The following APAF1 variants were observed in gnomAD, a reference collection of about 807,000 sequenced individuals.
The protein encoded by APAF1 is apoptotic protease-activating factor 1.
Under a neutral mutation model 152.4 loss-of-function variants are expected in APAF1, and 91 were observed. The observed-to-expected ratio is 0.60, with a 90% CI of 0.50 to 0.71. APAF1 has a LOEUF of 0.71. Among genes scored for constraint, APAF1 ranks in the 30% least tolerant of loss-of-function variants. The pLI is 0.00. For missense variants in APAF1, 1,283 were observed against 1,472.0 expected (o/e 0.87, Z 2.10); for synonymous variants, 484 against 494.1 (o/e 0.98, Z 0.27).
intron 1 of APAF1, among the ~76,000 whole-genome samples, chr12:98,647,837 T>A (rs926730460): frequency 1.3e-5 from 2 of 152,000 alleles, no homozygotes; most frequent in East Asian, 3.9e-4. Context: ...TTTTAAAATC[T>A]ATATTCAGAA....
chr12:98,691,918 A>T (rs1021673700), intron 16 of APAF1, among the ~76,000 whole-genome samples: 1 of 152,004 alleles, frequency 6.6e-6, no homozygotes, highest in South Asian at 2.1e-4. Flanking sequence ...GCTTCAACTC[A>T]TCTTTTTTCA....
intron 12 of APAF1, among the ~76,000 whole-genome samples, chr12:98,672,776 C>T (rs185695524): frequency 1.4e-3 from 219 of 151,324 alleles, no homozygotes; most frequent in African/African-American, 4.8e-3. Context: ...TTTTTTGAGA[C>T]GGCGTTTCAC....
rs771655993 is a variant in APAF1, at chr12:98,715,427, A to G, written c.2959A>G (p.Ile987Val). The change falls in exon 22 of 27, where the codon ATT (isoleucine) becomes GTT (valine). Residue 987 changes from isoleucine (I) to valine (V), a missense_variant and splice_region_variant. Coordinates refer to ENST00000551964, the MANE Select transcript of APAF1 (RefSeq NM_181861.2). ...AFGDENGAIEILELVNNRIFQ... is the reference protein window; with the variant it reads ...AFGDENGAIEVLELVNNRIFQ... ...TTTTCTGTGTTTTTCTGCTTTGAAG[A>G]TTTTAGAACTTGTAAACAATAGAAT... 5.6e-6 allele frequency: 9 copies of G among 1,612,958 alleles called. No homozygotes were observed. The Admixed American group carries it at 6.7e-5, about 12-fold the overall frequency.
Position 98,677,562 on chromosome 12 carries a change from T to A in APAF1, c.1920+11T>A, listed in dbSNP as rs1402585822. ...GATAAAACCTTACAGGTAAAACACA[T>A]CTCTTGAGAAAAATGCAAAGAGGCA... On this transcript the variant is annotated intron_variant, in intron 13 of 26. Coordinates refer to ENST00000551964, the MANE Select transcript of APAF1 (RefSeq NM_181861.2). 1.2e-6 allele frequency: 2 copies of A among 1,614,080 alleles called. No individual in the cohort carries two copies. The highest frequency in any genetic ancestry group is 3.3e-5 in the Admixed American group (2 of 60,010).
At chr12:98,671,795 C>A in intron 12 of APAF1, 76 bp downstream of exon 12, 1 of 1,402,986 alleles carries the variant, frequency 7.1e-7, no homozygotes, top group Non-Finnish European at 1.0e-6. Flanking sequence ...TGAATACGAT[C>A]ACTCCAGGAG....
chr12:98,667,533 C>G lies in APAF1; in HGVS notation c.1383C>G (p.Ile461Met). 1.9e-6 allele frequency: 3 copies of G among 1,613,940 alleles called. No homozygotes were observed. The highest frequency in any genetic ancestry group is 2.5e-6 in the Non-Finnish European group (3 of 1,179,966). Residue 461 changes from isoleucine (I) to methionine (M), a missense_variant, in exon 10 of 27, where the codon ATC becomes ATG. Ile to Met is a conservative substitution (Grantham distance 10). Transcript: ENST00000551964. ...SQLQDLHKKI[I>M]TQFQRYHQPH... ...TGCAGGATCTACATAAGAAGATAAT[C>G]ACTCAGTTTCAGAGATATCACCAGC...
chr12:98,667,412 G>T lies in APAF1; in HGVS notation c.1363-101G>T, dbSNP rs1028315702. On this transcript the variant is annotated intron_variant, in intron 9 of 26. Coordinates refer to ENST00000551964, the MANE Select transcript of APAF1 (RefSeq NM_181861.2). ...ATTACAGGCGTGAGCCACCGAGCCC[G>T]GCCTCTCTGTACATTCTTAATAGCT... 3 of 1,458,214 alleles carry T rather than the reference G, an allele frequency of 2.1e-6. No homozygotes were observed. In the East Asian group the frequency reaches 6.9e-5, roughly 33 times the overall value. The allele number at this position is 1,458,214 out of a possible 1,614,324, so 90.3% of individuals were successfully genotyped here. A position where few individuals can be genotyped will look rare whatever the true frequency, so the allele number is the denominator to read the frequency against.
chr12:98,704,201 G>A (rs2097718839), intron 18 of APAF1, among the ~76,000 whole-genome samples: 1 of 151,960 alleles, frequency 6.6e-6, no homozygotes, highest in African/African-American at 2.4e-5. Context: ...TTGGCCTCAA[G>A]CAATACTCCC....
intron 18 of APAF1, 25 bp from the exon 19 acceptor site, chr12:98,706,460 C>G: frequency 6.2e-7 from 1 of 1,613,578 alleles, no homozygotes; most frequent in Non-Finnish European, 8.5e-7. Context: ...TATGTGATTT[C>G]CTATATGCTG....
At chr12:98,723,165 A>G in intron 22 of APAF1, 28 bp from the exon 23 acceptor site, 2 of 1,610,462 alleles carry the variant, frequency 1.2e-6, no homozygotes, top group Non-Finnish European at 8.5e-7. Context: ...GGGGAGGATT[A>G]TAACAGACTT....
At position 98,715,234 on chromosome 12, in the gene APAF1, GCA is replaced by G. The variant is rs1491168446; in HGVS notation, c.2959-192_2959-191del. ...GTTTGCATGTAGGCATACATGGTGTGCATATATATATATATATATATATATAT... is the reference window on the plus strand; with the variant it reads ...GTTTGCATGTAGGCATACATGGTGTGTATATATATATATATATATATATAT... On this transcript the variant is annotated intron_variant, in intron 21 of 26. Coordinates refer to ENST00000551964, the MANE Select transcript of APAF1 (RefSeq NM_181861.2). 2.1e-3 allele frequency among the ~76,000 whole-genome samples: 121 copies of G among 58,338 alleles called. 2 individuals are homozygous for G. Among genetic ancestry groups the G allele is most frequent in the African/African-American group, 4.0e-3 (50 of 12,494 alleles). The allele number at this position is 58,338 out of a possible 152,430, so 38.3% of individuals were successfully genotyped here.
At chr12:98,684,222 G>A (rs192545881) in intron 15 of APAF1, among the ~76,000 whole-genome samples, 36 of 151,986 alleles carry the variant, frequency 2.4e-4, no homozygotes, top group Admixed American at 2.0e-4. Flanking sequence ...GAAAATTGCC[G>A]TCTCCATCCC....
rs2097653076 is a variant in APAF1 at position 98,653,906 on chromosome 12, T to C, written c.526+4222T>C. Among the ~76,000 whole-genome samples the C allele has an allele frequency of 2.0e-5, 3 of 151,816 alleles. No individual in the cohort carries two copies. In the South Asian group the frequency reaches 6.2e-4, roughly 32 times the overall value. On this transcript the variant is annotated intron_variant, in intron 4 of 26. Coordinates refer to ENST00000551964, the MANE Select transcript of APAF1 (RefSeq NM_181861.2). Reference sequence around the variant, plus strand: ...TTTTTAATCATGGATGCTTTCTTCATAGGCTGTGTTCCTATTTGTTTCTGT... The same window carrying C: ...TTTTTAATCATGGATGCTTTCTTCACAGGCTGTGTTCCTATTTGTTTCTGT...
At chr12:98,672,794 G>A (rs907282096) in intron 12 of APAF1, among the ~76,000 whole-genome samples, 2 of 150,740 alleles carry the variant, frequency 1.3e-5, no homozygotes, top group African/African-American at 2.4e-5. Flanking sequence ...CACTCTTGTC[G>A]CCCAGGCTGG....
chr12:98,687,092 CG>C (rs1300509133), intron 16 of APAF1, among the ~76,000 whole-genome samples: 3 of 152,032 alleles, frequency 2.0e-5, no homozygotes, highest in Non-Finnish European at 4.4e-5. Flanking sequence ...AGGCTGGGTG[CG>C]GTGGCTCACG....
At position 98,703,382 on chromosome 12, in the gene APAF1, T is replaced by G; in HGVS notation, c.2478T>G (p.Ile826Met). ...ATTTATGTTGACAGCTTTTTGACAT[T>G]CATACTAGTGGCCTATTGGGAGAAA... ...AAKNKIFLFD[I>M]HTSGLLGEIH... Residue 826 changes from isoleucine to methionine, a missense_variant, in exon 18 of 27, where the codon ATT (isoleucine) becomes ATG (methionine). By Grantham distance (10) the Ile-to-Met change is conservative. Transcript: ENST00000551964. 1.2e-6 allele frequency: 2 copies of G among 1,614,164 alleles called. No homozygotes were observed. The highest frequency in any genetic ancestry group is 1.7e-6 in the Non-Finnish European group (2 of 1,179,990).
intron 22 of APAF1, among the ~76,000 whole-genome samples, chr12:98,720,503 T>C (rs770702797): frequency 1.3e-5 from 2 of 152,176 alleles, no homozygotes; most frequent in Non-Finnish European, 2.9e-5. Flanking sequence ...TGAGCTGAAG[T>C]TATTGCCAAA....
chr12:98,647,297 A>C (rs1294003492), intron 1 of APAF1, among the ~76,000 whole-genome samples: 1 of 151,556 alleles, frequency 6.6e-6, no homozygotes, highest in Non-Finnish European at 1.5e-5. Context: ...GAAATCCCAA[A>C]TTTTGCTACT....
intron 22 of APAF1, among the ~76,000 whole-genome samples, chr12:98,719,474 T>C (rs1183857921): frequency 1.3e-5 from 2 of 151,870 alleles, no homozygotes; most frequent in Admixed American, 1.3e-4. Flanking sequence ...CTCAGCCTCC[T>C]GAGTAGCTGG....
Sources: gnomAD v4.1 joint callset for allele counts (sites outside exome capture counted in the v4.1 genomes callset) on GRCh38, gnomAD v4.1.1 for gene constraint, MANE v1.5 for transcripts, NCBI Gene and HGNC (gene_info 2026-07-23, HGNC 2026-07-21) for gene names.